Variants in SEC14L3 observed in about 807,000 individuals in gnomAD.
SEC14L3 encodes SEC14-like protein 3.
A neutral mutation model predicts 57.4 loss-of-function variants in SEC14L3; 56 were observed. The observed-to-expected ratio is 0.97, with a 90% CI of 0.79 to 1.22. SEC14L3 has a LOEUF of 1.22. SEC14L3 is among the 50% of genes most tolerant of loss of function. SEC14L3 has a pLI of 0.00. For missense variants in SEC14L3, 485 were observed against 511.7 expected (o/e 0.95, Z 0.50); for synonymous variants, 173 against 194.4 (o/e 0.89, Z 0.92).
rs149895253 is a variant in SEC14L3, at chr22:30,462,149, T to C, written c.708A>G (p.Glu236=). 1 of 1,614,180 alleles carries C rather than the reference T, an allele frequency of 6.2e-7. No homozygotes were observed. Among genetic ancestry groups the C allele is most frequent in the Admixed American group, 1.7e-5 (1 of 60,010 alleles). Residue 236 remains glutamate, a synonymous_variant, in exon 9 of 12, where the codon GAA becomes GAG. Coordinates refer to ENST00000215812, the MANE Select transcript of SEC14L3 (RefSeq NM_174975.5). ...EGLLKLISPE[E]LPAQFGGTLT... is the part of the protein sequence containing the mutation. The stretch of plus-strand genomic sequence containing the variant: ...GGGTGCCCCCAAACTGGGCAGGCAG[T>C]TCCTCAGGACTGATGAGTTTCAGCA...
rs200869785 is a variant in SEC14L3 at position 30,466,981 on chromosome 22, C to T, written c.519+1G>A. The T allele has an allele frequency of 1.9e-6, 3 of 1,613,438 alleles. No homozygotes were observed. Among genetic ancestry groups the T allele is most frequent in the Non-Finnish European group, 2.5e-6 (3 of 1,179,748 alleles). The stretch of plus-strand genomic sequence containing the variant: ...GGGGTGGCCCTAGGACTTCTCCTTA[C>T]CTCCTGGTACACTTCTACCAGAGGT... On this transcript the variant is annotated splice_donor_variant, in intron 6 of 11. Transcript: ENST00000215812. LOFTEE classifies it high-confidence loss of function.
At chr22:30,456,148 A>C (rs760765207), downstream of SEC14L3, among the ~76,000 whole-genome samples, 1 of 151,956 alleles carries the variant, frequency 6.6e-6, no homozygotes, top group African/African-American at 2.4e-5. Context: ...AAAATACAAA[A>C]ATTAGCCAGG....
At chr22:30,470,166 C>G (rs777195346) in intron 3 of SEC14L3, 46 bp downstream of exon 3, 1 of 1,613,490 alleles carries the variant, frequency 6.2e-7, no homozygotes, top group Admixed American at 1.7e-5. Context: ...CATGGATTGC[C>G]CCTGACAAAT....
At chr22:30,454,765 TATATA>T (rs1569225213), downstream of SEC14L3, among the ~76,000 whole-genome samples, 4 of 83,070 alleles carry the variant, frequency 4.8e-5, no homozygotes, top group African/African-American at 2.0e-4. Context: ...TAATATATAA[TATATA>T]ATATATTATT....
intron 12 of SEC14L3, among the ~76,000 whole-genome samples, chr22:30,449,528 C>T (rs1354581690): frequency 6.6e-6 from 1 of 151,074 alleles, no homozygotes; most frequent in African/African-American, 2.4e-5. Flanking sequence ...CCAAGGGTTC[C>T]AGTCTGTCCG....
rs1935184884 is a variant in SEC14L3 at position 30,459,520 on chromosome 22, AC to A, written c.*500del. On this transcript the variant is annotated 3_prime_UTR_variant, in exon 12 of 12. Coordinates refer to ENST00000215812, the MANE Select transcript of SEC14L3 (RefSeq NM_174975.5). ...GCTCCTGTCCAAGGTGCTGAAATCC[AC>A]CCCACATAGGCTCCTCCTAATCATG... 1.0e-6 allele frequency: 1 copy of A among 985,642 alleles called. No homozygotes were observed. The highest frequency in any genetic ancestry group is 1.1e-4 in the East Asian group (1 of 8,818). 61.1% of individuals were successfully genotyped at this position (985,642 alleles called of 1,614,324 possible).
intron 1 of SEC14L3, chr22:30,471,145 T>C: frequency 2.8e-6 from 1 of 353,340 alleles, no homozygotes; most frequent in Non-Finnish European, 5.5e-6. Flanking sequence ...ATTAGCCAGG[T>C]GTGGTGGCAC....
intron 4 of SEC14L3, 102 bp downstream of exon 4, chr22:30,469,917 G>C: frequency 2.4e-6 from 2 of 850,492 alleles, no homozygotes; most frequent in Non-Finnish European, 3.7e-6. Flanking sequence ...AGGCCTGCGG[G>C]TTCCACAGGC....
At chr22:30,462,411 CTT>C in intron 8 of SEC14L3, 1 of 246,434 alleles carries the variant, frequency 4.1e-6, no homozygotes, top group Non-Finnish European at 6.5e-6. Context: ...TGAATCAGCA[CTT>C]TTTTTTTCTT....
chr22:30,452,012 AAAAAG>A lies in SEC14L3; in HGVS notation c.905-2773_905-2769del, dbSNP rs760890504. ...ATCTCAAAAAAAAAAAAAAAAAAGAAAAAAGAAAAGAAAAGAAAAGAAAAGAAAGA... is the reference window on the plus strand; with the variant it reads ...ATCTCAAAAAAAAAAAAAAAAAAGAAAAAAGAAAAGAAAAGAAAAGAAAGA... On this transcript the variant is annotated intron_variant, in intron 12 of 12. Transcript: ENST00000403066. Among the ~76,000 whole-genome samples, 156 of 141,322 alleles carry A rather than the reference AAAAAG, an allele frequency of 1.1e-3. 2 individuals are homozygous for A. In the East Asian group the frequency reaches 0.015, roughly 14 times the overall value. The allele number at this position is 141,322 out of a possible 152,430, so 92.7% of individuals were successfully genotyped here. A position where few individuals can be genotyped will look rare whatever the true frequency, so the allele number is the denominator to read the frequency against.
intron 5 of SEC14L3, among the ~76,000 whole-genome samples, chr22:30,467,384 C>T (rs1453648883): frequency 6.6e-6 from 1 of 152,066 alleles, no homozygotes; most frequent in African/African-American, 2.4e-5. Context: ...TTTATTCATC[C>T]TCCATTTTTC....
intron 8 of SEC14L3, among the ~76,000 whole-genome samples, chr22:30,463,267 C>T (rs1935322131): frequency 6.6e-6 from 1 of 152,192 alleles, no homozygotes; most frequent in African/African-American, 2.4e-5. Context: ...GTTCTTCATG[C>T]CCTATGTAAA....
chr22:30,457,561 T>G (rs1935141103), downstream of SEC14L3, among the ~76,000 whole-genome samples: 2 of 152,004 alleles, frequency 1.3e-5, no homozygotes, highest in Non-Finnish European at 2.9e-5. Context: ...TTTTGTATTT[T>G]TAGTAGAGAC....
chr22:30,470,802 T>C (rs1052717639), intron 1 of SEC14L3: 1 of 637,562 alleles, frequency 1.6e-6, no homozygotes, highest in Non-Finnish European at 1.9e-6. Flanking sequence ...GAAAGAAGAA[T>C]AGATGGGTGA....
chr22:30,462,173 C>G lies in SEC14L3; in HGVS notation c.684G>C (p.Leu228Phe). The G allele has an allele frequency of 1.2e-6, 2 of 1,613,632 alleles. No individual in the cohort carries two copies. Among genetic ancestry groups the G allele is most frequent in the Non-Finnish European group, 1.7e-6 (2 of 1,179,776 alleles). Residue 228 changes from leucine to phenylalanine, a missense_variant, in exon 9 of 12, where the codon TTG becomes TTC. Coordinates refer to ENST00000215812, the MANE Select transcript of SEC14L3 (RefSeq NM_174975.5). ...IVLGNNWKEG[L>F]LKLISPEELP... ...GTTCCTCAGGACTGATGAGTTTCAG[C>G]AAACCTTCCTTCCAGTTATCTGGGA...
At chr22:30,466,851 G>C in intron 6 of SEC14L3, 131 bp downstream of exon 6, 2 of 783,512 alleles carry the variant, frequency 2.6e-6, no homozygotes, top group South Asian at 3.7e-5. Context: ...AGGCCTTCTG[G>C]AGTTTGAGTC....
At chr22:30,452,522 G>T (rs1935007864) in intron 12 of SEC14L3, among the ~76,000 whole-genome samples, 1 of 151,938 alleles carries the variant, frequency 6.6e-6, no homozygotes, top group Non-Finnish European at 1.5e-5. Flanking sequence ...GGGATTACAG[G>T]TCAAGGACTT....
intron 8 of SEC14L3, 45 bp from the exon 9 acceptor site, chr22:30,462,237 A>G: frequency 6.4e-7 from 1 of 1,567,268 alleles, no homozygotes; most frequent in Non-Finnish European, 8.7e-7. Context: ...CATGGGGGGC[A>G]CCAATTAGCC....
downstream of SEC14L3, chr22:30,459,228 A>AT (rs1454489976): frequency 1.0e-6 from 1 of 979,056 alleles, no homozygotes; most frequent in East Asian, 1.1e-4. Context: ...CACTCGCCAA[A>AT]TGATAGTTGT....
Sources: allele counts gnomAD v4.1 joint callset (sites outside exome capture counted in the v4.1 genomes callset), GRCh38; gene constraint gnomAD v4.1.1; transcripts MANE v1.5; gene names NCBI Gene and HGNC (gene_info 2026-07-23, HGNC 2026-07-21).